Variants in PCDHA7 observed in about 807,000 individuals in gnomAD.
PCDHA7 encodes the protein protocadherin alpha 7, also known as protocadherin alpha-7.
PCDHA7 carries 37 observed loss-of-function variants against 57.2 expected under a neutral mutation model. The ratio of observed to expected loss-of-function variants is 0.65; its 90% CI spans 0.50 to 0.85. PCDHA7 has a LOEUF of 0.85. Among genes scored for constraint, PCDHA7 ranks in the 40% least tolerant of loss-of-function variants. The probability of loss-of-function intolerance (pLI) is 0.00; values close to 1 mark genes in which losing one functional copy is unlikely to be tolerated. For synonymous variants in PCDHA7, 553 were observed against 558.8 expected, an observed-to-expected ratio of 0.99 and a Z score of 0.15; for missense variants, 1,188 against 1,241.8, an observed-to-expected ratio of 0.96 and a Z score of 0.65.
At position 140,850,499 on chromosome 5, in the gene PCDHA7, G is replaced by T. The variant is rs2150486529; in HGVS notation, c.2355+13761G>T. 2.5e-6 allele frequency: 4 copies of T among 1,598,170 alleles called. No individual in the cohort carries two copies. The East Asian group carries it at 8.9e-5, about 36-fold the overall frequency. ...CGGCCACGGCCACTGTGCTGGTGTCGCTGGTGGAGAGCGGCCAGGCGCCAA... is the reference window on the plus strand; with the variant it reads ...CGGCCACGGCCACTGTGCTGGTGTCTCTGGTGGAGAGCGGCCAGGCGCCAA... On this transcript the variant is annotated intron_variant, in intron 1 of 3. Transcript: ENST00000525929.
chr5:140,849,126 T>C, intron 1 of PCDHA7: 1 of 1,386,260 alleles, frequency 7.2e-7, no homozygotes, highest in East Asian at 2.4e-5. Flanking sequence ...GCTTCATTTA[T>C]TGCTCACGGC....
intron 1 of PCDHA7, among the ~76,000 whole-genome samples, chr5:140,932,087 A>G (rs1262295013): frequency 6.6e-6 from 1 of 151,918 alleles, no homozygotes; most frequent in African/African-American, 2.4e-5. Flanking sequence ...TCAGGAAAAC[A>G]TGGTTTTTAT....
At position 140,835,745 on chromosome 5, in the gene PCDHA7, G is replaced by T. The variant is rs781786218; in HGVS notation, c.1362G>T (p.Ala454=). ...EVADVNDNAP[A]FAQPEYTVFV... ...CCGACGTGAACGACAACGCCCCGGC[G>T]TTCGCGCAGCCCGAGTATACGGTGT... The change falls in exon 1 of 4, where the codon GCG becomes GCT. Residue 454 remains alanine, a synonymous_variant. Coordinates refer to ENST00000525929, the MANE Select transcript of PCDHA7 (RefSeq NM_018910.3). 2 of 1,613,472 alleles carry T rather than the reference G, an allele frequency of 1.2e-6. No individual in the cohort carries two copies. The highest frequency in any genetic ancestry group is 1.7e-6 in the Non-Finnish European group (2 of 1,179,788).
chr5:140,967,460 G>A, intron 1 of PCDHA7: 1 of 1,613,538 alleles, frequency 6.2e-7, no homozygotes, highest in Non-Finnish European at 8.5e-7. Context: ...AGCCGTGGAT[G>A]GGGGCATCCC....
chr5:140,910,766 T>C (rs2075154722), intron 1 of PCDHA7, among the ~76,000 whole-genome samples: 2 of 152,198 alleles, frequency 1.3e-5, no homozygotes, highest in South Asian at 2.1e-4. Context: ...CTTTTTAAAC[T>C]CCCCAAGCTG....
intron 1 of PCDHA7, among the ~76,000 whole-genome samples, chr5:140,914,820 C>T (rs1277610128): frequency 6.6e-6 from 1 of 151,970 alleles, no homozygotes; most frequent in African/African-American, 2.4e-5. Flanking sequence ...TAACAGACTG[C>T]ATAAACAAAA....
In PCDHA7 at chr5:140,857,031, C is replaced by A. The variant is rs782539359; in HGVS notation, c.2355+20293C>A. 6 of 1,596,318 alleles carry A rather than the reference C, an allele frequency of 3.8e-6. No homozygotes were observed. The South Asian group carries it at 6.6e-5, about 18-fold the overall frequency. On this transcript the variant is annotated intron_variant, in intron 1 of 3. Coordinates refer to ENST00000525929, the MANE Select transcript of PCDHA7 (RefSeq NM_018910.3). The stretch of plus-strand genomic sequence containing the variant: ...GATGTTACAGATAAGGGAAACCCAC[C>A]TATGGTTGGTCACTGCACGGTCCTA...
At chr5:140,850,702 A>G in intron 1 of PCDHA7, 1 of 1,598,166 alleles carries the variant, frequency 6.3e-7, no homozygotes, top group Middle Eastern at 1.7e-4. Flanking sequence ...GCGCCTGGCA[A>G]GCCGACGCTG....
chr5:140,849,744 A>G lies in PCDHA7; in HGVS notation c.2355+13006A>G, dbSNP rs2150447733. On this transcript the variant is annotated intron_variant, in intron 1 of 3. Coordinates refer to ENST00000525929, the MANE Select transcript of PCDHA7 (RefSeq NM_018910.3). ...GCTGGACAGAGCTCTGGACCGCGAG[A>G]GTGTGTCCGCCTACGAGCTGGTGGT... The G allele has an allele frequency of 1.1e-5, 18 of 1,598,098 alleles. No homozygotes were observed. In the South Asian group the frequency reaches 1.4e-4, roughly 13 times the overall value.
intron 1 of PCDHA7, chr5:140,857,804 G>T: frequency 6.3e-7 from 1 of 1,597,858 alleles, no homozygotes. Context: ...GTCGGTGGTT[G>T]CGGGTCACGT....
In PCDHA7 at chr5:141,010,504, A is replaced by C; in HGVS notation, c.*567A>C. On this transcript the variant is annotated 3_prime_UTR_variant, in exon 4 of 4. Transcript: ENST00000525929. ...AACTTAAAGGGACCAGACTTTCTAA[A>C]TCTTACAACTCAAGAGGTGGCAGCC... is the stretch of plus-strand genomic sequence containing the variant. 1.8e-6 allele frequency: 1 copy of C among 549,734 alleles called. No homozygotes were observed. Among genetic ancestry groups the C allele is most frequent in the Non-Finnish European group, 2.9e-6 (1 of 344,512 alleles). The allele number at this position is 549,734 out of a possible 1,614,324, so 34.1% of individuals were successfully genotyped here.
intron 3 of PCDHA7, among the ~76,000 whole-genome samples, chr5:140,986,776 C>T (rs916981139): frequency 2.6e-5 from 4 of 152,098 alleles, no homozygotes; most frequent in Non-Finnish European, 4.4e-5. Flanking sequence ...AATTAGGTAG[C>T]GGAAGCCACT....
At chr5:140,948,708 C>T (rs1376587735) in intron 1 of PCDHA7, among the ~76,000 whole-genome samples, 1 of 151,114 alleles carries the variant, frequency 6.6e-6, no homozygotes, top group Non-Finnish European at 1.5e-5. Flanking sequence ...TGTGTTCTAT[C>T]CTCTTTTTTA....
intron 1 of PCDHA7, chr5:140,926,720 T>C (rs2083499438): frequency 2.0e-6 from 2 of 1,002,404 alleles, no homozygotes; most frequent in Non-Finnish European, 2.7e-6. Flanking sequence ...GCCCCGGCAA[T>C]GCCGGCGTTC....
chr5:140,890,259 T>C (rs1303485467), intron 1 of PCDHA7, among the ~76,000 whole-genome samples: 2 of 152,140 alleles, frequency 1.3e-5, no homozygotes, highest in Admixed American at 6.6e-5. Flanking sequence ...CTGCACCTGA[T>C]TGCAAGCAAG....
At chr5:140,852,732 A>G (rs2042454290) in intron 1 of PCDHA7, 4 of 983,854 alleles carry the variant, frequency 4.1e-6, no homozygotes, top group Non-Finnish European at 3.7e-6. Flanking sequence ...TTCAAGTTTC[A>G]TGTGCCATTT....
chr5:140,871,061 A>T, intron 1 of PCDHA7: 1 of 1,613,200 alleles, frequency 6.2e-7, no homozygotes, highest in South Asian at 1.1e-5. Flanking sequence ...GTGAAGGATC[A>T]CGGTGAGCCG....
chr5:140,894,819 G>T (rs974558361), intron 1 of PCDHA7, among the ~76,000 whole-genome samples: 6 of 151,474 alleles, frequency 4.0e-5, no homozygotes, highest in African/African-American at 1.2e-4. Context: ...TATCAGATTT[G>T]CCCATAATCC....
In PCDHA7 at chr5:140,844,186, T is replaced by G. The variant is rs1779260414; in HGVS notation, c.2355+7448T>G. ...CTTTAAGATCTCGGTTTATTCATCT[T>G]ATCTGACTTTTTAGTGTCTGGTAGT... On this transcript the variant is annotated intron_variant, in intron 1 of 3. Transcript: ENST00000525929. Among the ~76,000 whole-genome samples, 2 of 149,872 alleles carry G rather than the reference T, an allele frequency of 1.3e-5. 1 individual carries two copies. Among genetic ancestry groups the G allele is most frequent in the Admixed American group, 1.3e-4 (2 of 14,948 alleles).
Sources: allele counts gnomAD v4.1 joint callset (sites outside exome capture counted in the v4.1 genomes callset), GRCh38; gene constraint gnomAD v4.1.1; transcripts MANE v1.5; gene names NCBI Gene and HGNC (gene_info 2026-07-23, HGNC 2026-07-21).